Variants in ARSB observed in about 807,000 individuals in gnomAD.
The protein encoded by ARSB is arylsulfatase B, also known as N-acetylgalactosamine-4-sulfatase.
In ARSB, 41 loss-of-function variants were observed where a neutral mutation model predicts 50.9. The ratio of observed to expected loss-of-function variants is 0.81; its 90% confidence interval spans 0.63 to 1.04. ARSB has a LOEUF of 1.04. ARSB is among the 50% of genes least tolerant of loss of function. The probability of loss-of-function intolerance (pLI) is 0.00; values close to 1 mark genes in which losing one functional copy is unlikely to be tolerated. For missense variants in ARSB, 672 were observed against 693.3 expected, an observed-to-expected ratio of 0.97 and a Z score of 0.35; for synonymous variants, 269 against 284.8, an observed-to-expected ratio of 0.94 and a Z score of 0.56.
chr5:78,786,936 A>T (rs146048720), intron 6 of ARSB, among the ~76,000 whole-genome samples: 196 of 151,912 alleles, frequency 1.3e-3, no homozygotes, highest in African/African-American at 4.5e-3. Context: ...TAGATATCTC[A>T]GTTGTCTCCA....
In ARSB at chr5:78,867,297, G is replaced by C. The variant is rs1240085092; in HGVS notation, c.1142+18287C>G. The stretch of plus-strand genomic sequence containing the variant: ...GGTAAACAAAGCAGCCGGGAAGCTC[G>C]AACTGGGTGGAGCCCACCACAGCTC... On this transcript the variant is annotated intron_variant, in intron 5 of 7. Transcript: ENST00000264914. Among the ~76,000 whole-genome samples the C allele has an allele frequency of 1.1e-4, 17 of 151,942 alleles. No individual in the cohort carries two copies. In the East Asian group the frequency reaches 1.5e-3, roughly 14 times the overall value.
At chr5:78,877,107 G>A (rs968590577) in intron 5 of ARSB, among the ~76,000 whole-genome samples, 2 of 152,038 alleles carry the variant, frequency 1.3e-5, no homozygotes, top group African/African-American at 4.8e-5. Context: ...CTCACAACAC[G>A]GGAAAGAACT....
chr5:78,789,457 A>C (rs1749179086), intron 6 of ARSB, among the ~76,000 whole-genome samples: 1 of 152,226 alleles, frequency 6.6e-6, no homozygotes. Context: ...CAAAGTATGA[A>C]AGCAACCAAG....
At chr5:78,910,760 T>A (rs1749274093) in intron 4 of ARSB, among the ~76,000 whole-genome samples, 1 of 152,128 alleles carries the variant, frequency 6.6e-6, no homozygotes, top group East Asian at 1.9e-4. Context: ...ATATAAAATC[T>A]CTCTAGAACA....
intron 6 of ARSB, among the ~76,000 whole-genome samples, chr5:78,819,915 T>C (rs1744143569): frequency 6.6e-6 from 1 of 152,264 alleles, no homozygotes; most frequent in Non-Finnish European, 1.5e-5. Flanking sequence ...AGGGGGCTGC[T>C]ATGGTTTGTT....
At chr5:78,873,498 A>ATTTTTTTTTTTTTTTTTTTTTTTT in intron 5 of ARSB, among the ~76,000 whole-genome samples, 1 of 93,214 alleles carries the variant, frequency 1.1e-5, no homozygotes, top group Non-Finnish European at 2.1e-5. Flanking sequence ...TAAAACTGTA[A>ATTTTTTTTTTTTTTTTTTTTTTTT]TTTTTTTTTT....
intron 6 of ARSB, among the ~76,000 whole-genome samples, chr5:78,826,507 A>G (rs1250478063): frequency 6.6e-6 from 1 of 152,194 alleles, no homozygotes; most frequent in Non-Finnish European, 1.5e-5. Flanking sequence ...ATAAATATTT[A>G]AAAAATAATA....
intron 4 of ARSB, among the ~76,000 whole-genome samples, chr5:78,905,117 TC>T (rs1748992095): frequency 6.6e-6 from 1 of 152,256 alleles, no homozygotes; most frequent in Admixed American, 6.5e-5. Context: ...TCTATAATTT[TC>T]ATTTGTTTTG....
chr5:78,908,504 C>A (rs909692141), intron 4 of ARSB, among the ~76,000 whole-genome samples: 1 of 152,164 alleles, frequency 6.6e-6, no homozygotes, highest in Non-Finnish European at 1.5e-5. Context: ...AGACAGCTGT[C>A]AGCCACTCCA....
chr5:78,794,691 ACCCTGTCTGTCT>A (rs1743117349), intron 6 of ARSB, among the ~76,000 whole-genome samples: 1 of 152,116 alleles, frequency 6.6e-6, no homozygotes, highest in South Asian at 2.1e-4. Context: ...TTTTCTTTTT[ACCCTGTCTGTCT>A]CACTGCTTGT....
chr5:78,933,207 C>T (rs781596653), intron 4 of ARSB, among the ~76,000 whole-genome samples: 2 of 152,142 alleles, frequency 1.3e-5, no homozygotes, highest in Non-Finnish European at 2.9e-5. Context: ...AGTATTAATG[C>T]AAGTTCCCAA....
At chr5:78,782,866 A>T (rs1748965390) in intron 6 of ARSB, among the ~76,000 whole-genome samples, 1 of 152,198 alleles carries the variant, frequency 6.6e-6, no homozygotes, top group Non-Finnish European at 1.5e-5. Flanking sequence ...CACAGCCAAG[A>T]GCAGACCAGA....
At chr5:78,785,943 A>G (rs944360565) in intron 6 of ARSB, among the ~76,000 whole-genome samples, 2 of 152,234 alleles carry the variant, frequency 1.3e-5, no homozygotes, top group Admixed American at 6.5e-5. Context: ...CCTTCTAATC[A>G]ATAGGGAGAC....
chr5:78,897,140 G>A (rs549374071), intron 4 of ARSB, among the ~76,000 whole-genome samples: 22 of 152,228 alleles, frequency 1.4e-4, no homozygotes, highest in African/African-American at 4.6e-4. Context: ...AATACTTTGT[G>A]TTTATGTGTA....
chr5:78,913,215 C>G (rs866633855), intron 4 of ARSB, among the ~76,000 whole-genome samples: 32 of 152,016 alleles, frequency 2.1e-4, no homozygotes, highest in African/African-American at 6.7e-4. Context: ...GGCTCCGCCT[C>G]CCAGGTTCAC....
chr5:78,981,535 A>G (rs1459903882), intron 1 of ARSB, among the ~76,000 whole-genome samples: 1 of 152,244 alleles, frequency 6.6e-6, no homozygotes, highest in African/African-American at 2.4e-5. Flanking sequence ...GATAGGTATG[A>G]TAATGTGCAT....
intron 6 of ARSB, among the ~76,000 whole-genome samples, chr5:78,821,618 G>A (rs1288612726): frequency 1.3e-5 from 2 of 152,172 alleles, no homozygotes; most frequent in Non-Finnish European, 2.9e-5. Flanking sequence ...TTAGAATGTG[G>A]GAAAATTGAG....
At chr5:78,895,371 A>T (rs1748520166) in intron 4 of ARSB, among the ~76,000 whole-genome samples, 1 of 152,216 alleles carries the variant, frequency 6.6e-6, no homozygotes, top group Non-Finnish European at 1.5e-5. Flanking sequence ...CCACTGAAAG[A>T]TGCATACTAC....
At chr5:78,828,071 T>G (rs1191648101) in intron 6 of ARSB, among the ~76,000 whole-genome samples, 3 of 152,136 alleles carry the variant, frequency 2.0e-5, no homozygotes, top group Middle Eastern at 3.4e-3. Flanking sequence ...TTTCTTACAC[T>G]GATAAAGAGT....
Sources: gnomAD v4.1 joint callset for allele counts (sites outside exome capture counted in the v4.1 genomes callset) on GRCh38, gnomAD v4.1.1 for gene constraint, MANE v1.5 for transcripts, NCBI Gene and HGNC (gene_info 2026-07-23, HGNC 2026-07-21) for gene names.